Variants in PPP2R2C observed in about 807,000 individuals in gnomAD.
PPP2R2C encodes protein phosphatase 2 regulatory subunit Bgamma, also known as protein phosphatase 2, regulatory subunit B, gamma.
In PPP2R2C, 10 loss-of-function variants were observed where a neutral mutation model predicts 45.3. The ratio of observed to expected loss-of-function variants is 0.22; its 90% confidence interval spans 0.14 to 0.37. The LOEUF is 0.37. Ranked by LOEUF, PPP2R2C falls within the 10% of genes least tolerant of loss-of-function variation. The probability of loss-of-function intolerance (pLI) is 1.00; values close to 1 mark genes in which losing one functional copy is unlikely to be tolerated. For missense variants in PPP2R2C, 308 were observed against 619.7 expected, an observed-to-expected ratio of 0.50 and a Z score of 5.34; for synonymous variants, 257 against 245.4, an observed-to-expected ratio of 1.05 and a Z score of -0.44.
At position 6,339,906 on chromosome 4, in the gene PPP2R2C, G is replaced by A. The variant is rs149515956; in HGVS notation, c.791-6175C>T. ...GCTCCAGGAGGAGCTTGGAGGGTCCGAGAAGCAGAAGAAGGACGATGGGGG... is the reference window on the plus strand; with the variant it reads ...GCTCCAGGAGGAGCTTGGAGGGTCCAAGAAGCAGAAGAAGGACGATGGGGG... On this transcript the variant is annotated intron_variant, in intron 6 of 8. Transcript: ENST00000382599. Among the ~76,000 whole-genome samples, 116 of 152,300 alleles carry A rather than the reference G, an allele frequency of 7.6e-4. 2 individuals are homozygous for A. The East Asian group carries it at 0.022, about 28-fold the overall frequency.
At position 6,413,925 on chromosome 4, in the gene PPP2R2C, C is replaced by T. The variant is rs151282865; in HGVS notation, c.71-32831G>A. On this transcript the variant is annotated intron_variant, in intron 1 of 8. Transcript: ENST00000382599. ...CACCCGTGTCTCTCTTTCCCATCAG[C>T]GTCTTCGTTATACTCAATCAGAATG... is the stretch of plus-strand genomic sequence containing the variant. 5.1e-4 allele frequency: 782 copies of T among 1,536,134 alleles called. 4 individuals are homozygous for T. In the African/African-American group the frequency reaches 6.8e-3, roughly 13 times the overall value.
chr4:6,548,803 C>G (rs1234873575), intron 1 of PPP2R2C, among the ~76,000 whole-genome samples: 2 of 152,090 alleles, frequency 1.3e-5, no homozygotes, highest in African/African-American at 4.8e-5. Flanking sequence ...CTGAAGATGC[C>G]AAAATCCAGA....
At chr4:6,434,648 C>T (rs894198238) in intron 1 of PPP2R2C, among the ~76,000 whole-genome samples, 1 of 152,102 alleles carries the variant, frequency 6.6e-6, no homozygotes, top group African/African-American at 2.4e-5. Context: ...CATGAGCCAC[C>T]ACACCTGGCC....
Position 6,554,930 on chromosome 4 carries a change from GGAAAGAAAGAAAGAAA to G in PPP2R2C, c.-59+8614_-59+8629del, listed in dbSNP as rs71173447. 1.7e-3 allele frequency among the ~76,000 whole-genome samples: 199 copies of G among 116,156 alleles called. 1 individual carries two copies. The highest frequency in any genetic ancestry group is 2.7e-3 in the South Asian group (10 of 3,682). The allele number at this position is 116,156 out of a possible 152,430, so 76.2% of individuals were successfully genotyped here. A position where few individuals can be genotyped will look rare whatever the true frequency, so the allele number is the denominator to read the frequency against. ...AGGAAGGAAGGAAGGAAGGAAGGAA[GGAAAGAAAGAAAGAAA>G]GAAAGAAAGAAAGAAAGAAAGAGAA... On this transcript the variant is annotated intron_variant, in intron 1 of 9. Transcript: ENST00000506140.
intron 2 of PPP2R2C, among the ~76,000 whole-genome samples, chr4:6,499,429 C>G (rs181577711): frequency 1.3e-3 from 199 of 152,336 alleles, no homozygotes; most frequent in African/African-American, 4.2e-3. Flanking sequence ...AGGCCACACA[C>G]AGTCCTACCT....
chr4:6,408,734 C>T (rs1717964357), intron 1 of PPP2R2C, among the ~76,000 whole-genome samples: 1 of 152,146 alleles, frequency 6.6e-6, no homozygotes, highest in Non-Finnish European at 1.5e-5. Flanking sequence ...CACAGGTGAT[C>T]TGCGGGGCAC....
At chr4:6,348,632 C>A in intron 5 of PPP2R2C, 4 of 985,134 alleles carry the variant, frequency 4.1e-6, no homozygotes, top group Non-Finnish European at 4.8e-6. Flanking sequence ...CTCTCCAGAC[C>A]CCAGGACTTG....
chr4:6,434,412 G>A (rs1217665951), intron 1 of PPP2R2C, among the ~76,000 whole-genome samples: 1 of 136,526 alleles, frequency 7.3e-6, no homozygotes, highest in Non-Finnish European at 1.5e-5. Flanking sequence ...AGGCTAGAGT[G>A]CAGTGGCGTG....
At chr4:6,479,808 C>G (rs746057296) in intron 2 of PPP2R2C, among the ~76,000 whole-genome samples, 1 of 151,778 alleles carries the variant, frequency 6.6e-6, no homozygotes, top group Non-Finnish European at 1.5e-5. Flanking sequence ...AATCCCCTAC[C>G]TTTTGAATAT....
chr4:6,337,112 G>GTATGTATA (rs1733019960), intron 6 of PPP2R2C, among the ~76,000 whole-genome samples: 2 of 30,118 alleles, frequency 6.6e-5, no homozygotes, highest in African/African-American at 2.1e-4. Flanking sequence ...ATGTGTGTGT[G>GTATGTATA]TATATATATA....
chr4:6,477,212 T>C (rs1283733428), upstream of PPP2R2C, among the ~76,000 whole-genome samples: 1 of 152,162 alleles, frequency 6.6e-6, no homozygotes, highest in Non-Finnish European at 1.5e-5. Context: ...GGTGCCACAC[T>C]GCACTCCAGC....
At chr4:6,413,786 G>A (rs1718361732) in intron 1 of PPP2R2C, 2 of 1,331,568 alleles carry the variant, frequency 1.5e-6, no homozygotes, top group Non-Finnish European at 2.0e-6. Context: ...CTGAGAAGTG[G>A]AGACTGGCCA....
chr4:6,451,142 C>A (rs1362525500), intron 1 of PPP2R2C, among the ~76,000 whole-genome samples: 1 of 152,224 alleles, frequency 6.6e-6, no homozygotes, highest in East Asian at 1.9e-4. Flanking sequence ...CCATCACTGA[C>A]CACATGTCCA....
chr4:6,365,217 C>T (rs1186121824), intron 5 of PPP2R2C, among the ~76,000 whole-genome samples: 2 of 152,182 alleles, frequency 1.3e-5, no homozygotes, highest in East Asian at 3.9e-4. Flanking sequence ...CCAATGAATG[C>T]ACAGAACCGT....
In PPP2R2C at chr4:6,323,275, G is replaced by T; in HGVS notation, c.*27C>A. The T allele has an allele frequency of 6.4e-7, 1 of 1,565,340 alleles. No individual in the cohort carries two copies. Among genetic ancestry groups the T allele is most frequent in the Non-Finnish European group, 8.7e-7 (1 of 1,148,026 alleles). On this transcript the variant is annotated 3_prime_UTR_variant, in exon 9 of 9. Transcript: ENST00000382599. ...TCGGGGATGACTTGCATGAGGCTGGGTGGCAGGGGCCGGGAACTGCACATA... is the reference window on the plus strand; with the variant it reads ...TCGGGGATGACTTGCATGAGGCTGGTTGGCAGGGGCCGGGAACTGCACATA...
intron 2 of PPP2R2C, among the ~76,000 whole-genome samples, chr4:6,508,603 G>A (rs1190282114): frequency 1.3e-5 from 2 of 151,938 alleles, no homozygotes; most frequent in African/African-American, 4.8e-5. Flanking sequence ...AAAAGAAAAA[G>A]AAAAAGAAAA....
chr4:6,457,207 C>CAAAAAAAAAAAA (rs34145628), intron 1 of PPP2R2C, among the ~76,000 whole-genome samples: 6 of 88,808 alleles, frequency 6.8e-5, no homozygotes, highest in East Asian at 3.1e-4. Flanking sequence ...GACTCCATCT[C>CAAAAAAAAAAAA]AAAAAAAAAA....
At chr4:6,383,065 G>A (rs1715969482) in intron 1 of PPP2R2C, 3 of 1,094,838 alleles carry the variant, frequency 2.7e-6, no homozygotes, top group African/African-American at 1.7e-5. Context: ...GCTTGTCCCT[G>A]TGTTTTGCTT....
At chr4:6,358,519 CAAA>C (rs74576376) in intron 5 of PPP2R2C, among the ~76,000 whole-genome samples, 309 of 132,730 alleles carry the variant, frequency 2.3e-3, no homozygotes, top group African/African-American at 7.8e-3. Context: ...TTCTGCACAG[CAAA>C]AAAAAAAAAA....
Sources: allele counts gnomAD v4.1 joint callset (sites outside exome capture counted in the v4.1 genomes callset), GRCh38; gene constraint gnomAD v4.1.1; transcripts MANE v1.5; gene names NCBI Gene and HGNC (gene_info 2026-07-23, HGNC 2026-07-21).